The following PLXNB2 variants were observed in gnomAD, a reference collection of about 807,000 sequenced individuals.
The protein encoded by PLXNB2 is plexin-B2.
Under a neutral mutation model 202.6 loss-of-function variants are expected in PLXNB2, and 85 were observed. The observed-to-expected ratio is 0.42, with a 90% CI of 0.35 to 0.50. PLXNB2 has a LOEUF of 0.50. Among genes scored for constraint, PLXNB2 ranks in the 20% least tolerant of loss-of-function variants. The pLI is 0.02. For synonymous variants in PLXNB2, 1,239 were observed against 1,137.6 expected (o/e 1.09, Z -1.79); for missense variants, 2,063 against 2,586.2 (o/e 0.80, Z 4.39).
Position 50,283,908 on chromosome 22 carries a change from G to A in PLXNB2, c.2346C>T (p.Cys782=), listed in dbSNP as rs368732072. 650 of 1,581,446 alleles carry A rather than the reference G, an allele frequency of 4.1e-4. 1 individual carries two copies. The highest frequency in any genetic ancestry group is 5.0e-4 in the Non-Finnish European group (583 of 1,164,816). The part of the protein sequence containing the change: ...AANPDYRCAW[C]GGQSRCVYEA... Reference sequence around the variant, plus strand: ...CATACACGCACCTGCTCTGGCCCCCGCACCACGCACACCTGTAGTCGGGGT... The same window carrying A: ...CATACACGCACCTGCTCTGGCCCCCACACCACGCACACCTGTAGTCGGGGT... Residue 782 remains cysteine, a synonymous_variant, in exon 14 of 37, where the codon TGC becomes TGT. Transcript: ENST00000359337.
rs2065794333 is a variant in PLXNB2, at chr22:50,278,847, G to A, written c.4546+8C>T. 2.5e-6 allele frequency: 4 copies of A among 1,607,460 alleles called. No homozygotes were observed. Among genetic ancestry groups the A allele is most frequent in the Middle Eastern group, 1.7e-4 (1 of 6,056 alleles). On this transcript the variant is annotated splice_region_variant and intron_variant, in intron 28 of 36. Coordinates refer to ENST00000359337, the MANE Select transcript of PLXNB2 (RefSeq NM_012401.4). ...CCTGTGTGCAGACGGGCAGGGGCCG[G>A]CACTCACCCAGGACCACGCTGTCTG...
At chr22:50,287,904 A>G (rs2066584054) in intron 6 of PLXNB2, 33 bp downstream of exon 6, 4 of 1,581,440 alleles carry the variant, frequency 2.5e-6, no homozygotes, top group Non-Finnish European at 3.4e-6. Context: ...TCCCAGAGGC[A>G]GGCCGTGTCC....
Position 50,299,595 on chromosome 22 carries a change from G to C in PLXNB2, c.-73-4817C>G, listed in dbSNP as rs534122199. On this transcript the variant is annotated intron_variant, in intron 1 of 36. Transcript: ENST00000359337. ...CCGCTGTTTTCAAAACAAGCGCGAG[G>C]GGGGTGCCGCGGGGCGTGGGGCTGG... is the stretch of plus-strand genomic sequence containing the variant. Among the ~76,000 whole-genome samples, 3 of 152,222 alleles carry C rather than the reference G, an allele frequency of 2.0e-5. No homozygotes were observed. The South Asian group carries it at 6.2e-4, about 32-fold the overall frequency.
chr22:50,287,867 C>T, intron 6 of PLXNB2, 70 bp downstream of exon 6: 1 of 1,592,626 alleles, frequency 6.3e-7, no homozygotes, highest in Non-Finnish European at 8.5e-7. Context: ...CGATGTGCCC[C>T]CCGACCCAGG....
chr22:50,290,807 C>T (rs2066816062), intron 2 of PLXNB2, among the ~76,000 whole-genome samples: 1 of 152,214 alleles, frequency 6.6e-6, no homozygotes, highest in South Asian at 2.1e-4. Flanking sequence ...TCCTCAAGTC[C>T]ACCCTGACTG....
At chr22:50,295,701 G>C (rs73437461) in intron 1 of PLXNB2, among the ~76,000 whole-genome samples, 2,305 of 152,282 alleles carry the variant, frequency 0.015, 64 homozygotes, top group African/African-American at 0.053. Flanking sequence ...AAGACTACAT[G>C]GTAGATGCAG....
At chr22:50,305,632 G>A (rs964360565) in intron 1 of PLXNB2, among the ~76,000 whole-genome samples, 2 of 152,148 alleles carry the variant, frequency 1.3e-5, no homozygotes, top group African/African-American at 2.4e-5. Flanking sequence ...GGGGCAGGAG[G>A]GCCCCCTGAG....
chr22:50,307,068 G>A (rs1456289068), intron 1 of PLXNB2, among the ~76,000 whole-genome samples: 1 of 152,196 alleles, frequency 6.6e-6, no homozygotes, highest in African/African-American at 2.4e-5. Flanking sequence ...GGCCCAGGCA[G>A]TGGGGTCTCG....
intron 1 of PLXNB2, among the ~76,000 whole-genome samples, chr22:50,298,273 G>A (rs981073381): frequency 2.6e-5 from 4 of 152,228 alleles, no homozygotes; most frequent in African/African-American, 7.2e-5. Context: ...GCAGCACAGG[G>A]ATGCTGGGCC....
At chr22:50,276,596 G>A (rs372391642) in intron 35 of PLXNB2, 33 bp downstream of exon 35, 1 of 1,545,112 alleles carries the variant, frequency 6.5e-7, no homozygotes, top group Non-Finnish European at 8.9e-7. Flanking sequence ...GGAGCGGGGA[G>A]GGCTGTGGGT....
At position 50,289,886 on chromosome 22, in the gene PLXNB2, G is replaced by C; in HGVS notation, c.699C>G (p.Asn233Lys). 1 of 1,613,252 alleles carries C rather than the reference G, an allele frequency of 6.2e-7. No homozygotes were observed. The highest frequency in any genetic ancestry group is 8.5e-7 in the Non-Finnish European group (1 of 1,180,024). The change falls in exon 3 of 37, where the codon AAC becomes AAG. Residue 233 changes from asparagine (N) to lysine (K), a missense_variant. Around this residue, in one of 2 missense-constraint regions of PLXNB2, gnomAD observed 1,303 missense variants for 1,476.8 expected, o/e 0.88. Coordinates refer to ENST00000359337, the MANE Select transcript of PLXNB2 (RefSeq NM_012401.4). The surrounding 1 kb of genome is among the most constrained non-coding windows in gnomAD (Gnocchi z 8.0). ...EDGPYVFFVF[N>K]QQDKHPARNR... Reference sequence around the variant, plus strand: ...TCCGGGCCGGGTGCTTGTCCTGCTGGTTGAAGACAAAGAAGACGTAGGGGC... The same window carrying C: ...TCCGGGCCGGGTGCTTGTCCTGCTGCTTGAAGACAAAGAAGACGTAGGGGC...
chr22:50,299,306 G>C (rs111349845), intron 1 of PLXNB2, among the ~76,000 whole-genome samples: 2 of 139,636 alleles, frequency 1.4e-5, no homozygotes, highest in Non-Finnish European at 3.2e-5. Flanking sequence ...GGGGTGGGGG[G>C]GGGGCCCGGT....
At position 50,290,428 on chromosome 22, in the gene PLXNB2, C is replaced by T. The variant is rs2066780796; in HGVS notation, c.157G>A (p.Ala53Thr). The change falls in exon 3 of 37, where the codon GCC becomes ACC. Residue 53 changes from alanine (A) to threonine (T), a missense_variant. By Grantham distance (58) the Ala-to-Thr change is moderately conservative. Coordinates refer to ENST00000359337, the MANE Select transcript of PLXNB2 (RefSeq NM_012401.4). ...SGVVYLGAVNALYQLDAKLQL... is the reference protein window; with the variant it reads ...SGVVYLGAVNTLYQLDAKLQL... The stretch of plus-strand genomic sequence containing the variant: ...AGCTTCGCATCCAGCTGGTAGAGGG[C>T]ATTCACCGCCCCCAGGTACACCACG... 2 of 1,613,000 alleles carry T rather than the reference C, an allele frequency of 1.2e-6. No homozygotes were observed. Among genetic ancestry groups the T allele is most frequent in the Non-Finnish European group, 1.7e-6 (2 of 1,180,014 alleles).
rs2067135155 is a variant in PLXNB2 at position 50,294,702 on chromosome 22, C to T, written c.-14+17G>A. ...TAGCCCCAGCCACCCACTGCCTTTC[C>T]CAGGTGGGGTACAGACCCCTCACCG... On this transcript the variant is annotated intron_variant, in intron 2 of 36. Coordinates refer to ENST00000359337, the MANE Select transcript of PLXNB2 (RefSeq NM_012401.4). 1.0e-6 allele frequency: 1 copy of T among 981,752 alleles called. No individual in the cohort carries two copies. Among genetic ancestry groups the T allele is most frequent in the Non-Finnish European group, 1.2e-6 (1 of 826,504 alleles). The allele number at this position is 981,752 out of a possible 1,614,324, so 60.8% of individuals were successfully genotyped here. A position where few individuals can be genotyped will look rare whatever the true frequency, so the allele number is the denominator to read the frequency against.
Position 50,287,706 on chromosome 22 carries a change from G to A in PLXNB2, c.1569C>T (p.Ser523=), listed in dbSNP as rs780776412. The A allele has an allele frequency of 6.4e-6, 10 of 1,560,666 alleles. No individual in the cohort carries two copies. The highest frequency in any genetic ancestry group is 1.3e-5 in the African/African-American group (1 of 74,122). ...SRSKSCVAVT[S]AQPQNMSRRA... Reference sequence around the variant, plus strand: ...GCCGGCTCATGTTCTGTGGCTGGGCGCTGGTGACGGCCACGCAGGACTTGC... The same window carrying A: ...GCCGGCTCATGTTCTGTGGCTGGGCACTGGTGACGGCCACGCAGGACTTGC... The change falls in exon 7 of 37, where the codon AGC becomes AGT. Residue 523 remains serine (S), a synonymous_variant. Transcript: ENST00000359337.
At position 50,285,806 on chromosome 22, in the gene PLXNB2, G is replaced by A. The variant is rs1394905948; in HGVS notation, c.2082C>T (p.Thr694=). The A allele has an allele frequency of 6.9e-6, 11 of 1,588,134 alleles. No homozygotes were observed. The highest frequency in any genetic ancestry group is 4.6e-5 in the East Asian group (2 of 43,604). Reference sequence around the variant, plus strand: ...GGCACCCCTCCCTCCGCACCTTCACGGTGTCCAGGTTCTTGCCCTGGAAGT... The same window carrying A: ...GGCACCCCTCCCTCCGCACCTTCACAGTGTCCAGGTTCTTGCCCTGGAAGT... ...DVNFQGKNLD[T]VKGSSLHVGS... is the part of the protein sequence containing the mutation. The change falls in exon 11 of 37, where the codon ACC becomes ACT. Residue 694 remains threonine (T), a synonymous_variant. Coordinates refer to ENST00000359337, the MANE Select transcript of PLXNB2 (RefSeq NM_012401.4).
rs1032152655 is a variant in PLXNB2 at position 50,301,497 on chromosome 22, C to T, written c.-74+6056G>A. 20 of 634,118 alleles carry T rather than the reference C, an allele frequency of 3.2e-5. No individual in the cohort carries two copies. The South Asian group carries it at 4.1e-4, about 13-fold the overall frequency. The allele number at this position is 634,118 out of a possible 1,614,324, so 39.3% of individuals were successfully genotyped here. ...CAGCAGGCGGCCACGGAGGGACTCT[C>T]GTGGGATTCTGGGGCTCAGTCACTT... is the stretch of plus-strand genomic sequence containing the variant. On this transcript the variant is annotated intron_variant, in intron 1 of 36. Transcript: ENST00000359337.
chr22:50,288,798 C>T lies in PLXNB2; in HGVS notation c.1325G>A (p.Arg442His), dbSNP rs754158572. The T allele has an allele frequency of 3.5e-5, 56 of 1,613,048 alleles. 1 individual carries two copies. The Middle Eastern group carries it at 6.6e-4, about 19-fold the overall frequency. Residue 442 changes from arginine (R) to histidine (H), a missense_variant, in exon 5 of 37, where the codon CGC (arginine) becomes CAC (histidine). Arg to His is a conservative substitution (Grantham distance 29). Around this residue, in one of 2 missense-constraint regions of PLXNB2, gnomAD observed 1,303 missense variants for 1,476.8 expected, o/e 0.88. Transcript: ENST00000359337. The surrounding 1 kb of genome is among the most constrained non-coding windows in gnomAD (Gnocchi z 5.0). ...ILVEINKRVK[R>H]DLVLSGDLGS... ...CAGGTCTCCAGACAGTACCAGGTCG[C>T]GCTTGACTCTCTTGTTTATCTCCAC...
In PLXNB2 at chr22:50,286,468, G is replaced by C. The variant is rs568521606; in HGVS notation, c.1763-181C>G. 2.0e-5 allele frequency among the ~76,000 whole-genome samples: 3 copies of C among 152,142 alleles called. No homozygotes were observed. In the South Asian group the frequency reaches 6.2e-4, roughly 32 times the overall value. On this transcript the variant is annotated intron_variant, in intron 8 of 36. Transcript: ENST00000359337. ...GCCACCTGCTATCAGATCTCGGGTG[G>C]GGCTGCCAGGACGCCCGTTCACGCT...
Sources: allele counts gnomAD v4.1 joint callset (sites outside exome capture counted in the v4.1 genomes callset), GRCh38; gene constraint gnomAD v4.1.1; regional missense constraint gnomAD v4.1.1; non-coding constraint Gnocchi (gnomAD v3.1); transcripts MANE v1.5; gene names NCBI Gene and HGNC (gene_info 2026-07-23, HGNC 2026-07-21).